EMP1: variants seen among roughly 807,000 people sequenced by gnomAD.
EMP1 encodes the protein epithelial membrane protein 1.
A neutral mutation model predicts 15.7 loss-of-function variants in EMP1; 5 were observed. That is an observed-to-expected ratio of 0.32 (90% CI 0.17 to 0.67). EMP1 has a LOEUF of 0.67. Ranked by LOEUF, EMP1 falls within the 30% of genes least tolerant of loss-of-function variation. The pLI, the probability that EMP1 is intolerant of heterozygous loss-of-function variation, is 0.74. For synonymous variants in EMP1, 78 were observed against 76.7 expected (o/e 1.02, Z -0.09); for missense variants, 166 against 194.2 (o/e 0.85, Z 0.86).
At chr12:13,197,448 T>C (rs1014359336) in intron 1 of EMP1, among the ~76,000 whole-genome samples, 10 of 152,146 alleles carry the variant, frequency 6.6e-5, no homozygotes, top group Non-Finnish European at 1.3e-4. Context: ...TTTTTTCTCC[T>C]CACAGGATGG....
In EMP1 at chr12:13,211,223, G is replaced by T. The variant is rs761460231; in HGVS notation, c.-42-246G>T. The stretch of plus-strand genomic sequence containing the variant: ...TTGAAATAGAATGTATTAGAGAAAT[G>T]AATATGTAAATACCCAAGAAGAAAC... On this transcript the variant is annotated intron_variant, in intron 1 of 4. Transcript: ENST00000256951. This position sits in a 1 kb window ranked among gnomAD's most constrained non-coding sequence, Gnocchi z 4.7. 1.3e-5 allele frequency among the ~76,000 whole-genome samples: 2 copies of T among 152,196 alleles called. No homozygotes were observed. The highest frequency in any genetic ancestry group is 2.4e-5 in the African/African-American group (1 of 41,436).
rs1366398125 is a variant in EMP1 at position 13,215,788 on chromosome 12, C to T, written c.*1097C>T. The stretch of plus-strand genomic sequence containing the variant: ...TGCCTATCCCACTTCACAGGTGAGG[C>T]ATGGCAATTCTGGAAGCTGATTAAA... On this transcript the variant is annotated 3_prime_UTR_variant, in exon 5 of 5. Transcript: ENST00000256951. 1 of 153,448 alleles carries T rather than the reference C, an allele frequency of 6.5e-6. No individual in the cohort carries two copies. The highest frequency in any genetic ancestry group is 1.9e-4 in the East Asian group (1 of 5,196). The allele number at this position is 153,448 out of a possible 1,614,324, so 9.5% of individuals were successfully genotyped here.
At chr12:13,206,757 C>T (rs1864113730) in intron 1 of EMP1, among the ~76,000 whole-genome samples, 1 of 152,152 alleles carries the variant, frequency 6.6e-6, no homozygotes, top group Non-Finnish European at 1.5e-5. Flanking sequence ...GAAGTCAATT[C>T]TTCTCAAAGT....
In EMP1 at chr12:13,214,688, A is replaced by C. The variant is rs1565580292; in HGVS notation, c.471A>C (p.Lys157Asn). ...IGVLYLVLRK[K>N] ...TTCTCTATCTGGTCCTGAGAAAGAA[A>C]TAAGGCCGGACGAGTTCATGGGGAT... Residue 157 changes from lysine (K) to asparagine (N), a missense_variant, in exon 5 of 5, where the codon AAA becomes AAC. Transcript: ENST00000256951. The C allele has an allele frequency of 1.2e-6, 2 of 1,603,630 alleles. No homozygotes were observed. Among genetic ancestry groups the C allele is most frequent in the Admixed American group, 1.7e-5 (1 of 59,520 alleles).
rs142065292 is a variant in EMP1, at chr12:13,216,407, G to A, written c.*1716G>A. The A allele has an allele frequency of 1.2e-4, 87 of 702,464 alleles. No homozygotes were observed. In the African/African-American group the frequency reaches 1.4e-3, roughly 11 times the overall value. The allele number at this position is 702,464 out of a possible 1,614,324, so 43.5% of individuals were successfully genotyped here. A position where few individuals can be genotyped will look rare whatever the true frequency, so the allele number is the denominator to read the frequency against. Reference sequence around the variant, plus strand: ...GGCAAGCCACCAAATTACCTAGGCTGAGGTTAGAGAGATTGGCCAGCAAAA... The same window carrying A: ...GGCAAGCCACCAAATTACCTAGGCTAAGGTTAGAGAGATTGGCCAGCAAAA... On this transcript the variant is annotated 3_prime_UTR_variant, in exon 5 of 5. Coordinates refer to ENST00000256951, the MANE Select transcript of EMP1 (RefSeq NM_001423.3).
intron 2 of EMP1, among the ~76,000 whole-genome samples, chr12:13,213,100 C>G (rs1186864388): frequency 1.3e-5 from 2 of 152,206 alleles, no homozygotes; most frequent in Non-Finnish European, 2.9e-5. Context: ...ATGAAACAAT[C>G]TTGTTAGAGT....
chr12:13,213,587 G>T lies in EMP1; in HGVS notation c.175+12G>T. 6.2e-7 allele frequency: 1 copy of T among 1,614,168 alleles called. No homozygotes were observed. Among genetic ancestry groups the T allele is most frequent in the Non-Finnish European group, 8.5e-7 (1 of 1,179,998 alleles). The stretch of plus-strand genomic sequence containing the variant: ...ATATGCCAGTGAAGGTATATATAAA[G>T]ATATTGACCCAGTGCTGACAATAGG... On this transcript the variant is annotated intron_variant, in intron 3 of 4. Transcript: ENST00000256951.
At position 13,211,135 on chromosome 12, in the gene EMP1, A is replaced by G. The variant is rs574428879; in HGVS notation, c.-42-334A>G. Among the ~76,000 whole-genome samples, 4 of 152,360 alleles carry G rather than the reference A, an allele frequency of 2.6e-5. No homozygotes were observed. The highest frequency in any genetic ancestry group is 9.6e-5 in the African/African-American group (4 of 41,600). On this transcript the variant is annotated intron_variant, in intron 1 of 4. Transcript: ENST00000256951. The surrounding 1 kb of genome is among the most constrained non-coding windows in gnomAD (Gnocchi z 4.7). ...CTTTGAAAATCAAAGTCCTATTTTTAACCTCTAAAACACAAACAAAATAAA... is the reference window on the plus strand; with the variant it reads ...CTTTGAAAATCAAAGTCCTATTTTTGACCTCTAAAACACAAACAAAATAAA...
At chr12:13,208,086 G>A (rs941412111) in intron 1 of EMP1, among the ~76,000 whole-genome samples, 2 of 152,284 alleles carry the variant, frequency 1.3e-5, no homozygotes, top group South Asian at 2.1e-4. Context: ...GAGGGCTGAG[G>A]GAGAAGTCTA....
rs958351564 is a variant in EMP1, at chr12:13,219,302, A to T, written c.*4611A>T. 1 of 152,204 alleles carries T rather than the reference A, an allele frequency of 6.6e-6. No homozygotes were observed. Among genetic ancestry groups the T allele is most frequent in the Non-Finnish European group, 1.5e-5 (1 of 68,054 alleles). 9.4% of individuals were successfully genotyped at this position (152,204 alleles called of 1,614,324 possible). On this transcript the variant is annotated 3_prime_UTR_variant, in exon 5 of 5. Coordinates refer to ENST00000256951, the MANE Select transcript of EMP1 (RefSeq NM_001423.3). ...CAAGCTTCTGGTTAACTGCTGATCT[A>T]TTGGCAACTCCAGTTCCCAATAAGT...
rs1480651728 is a variant in EMP1, at chr12:13,219,710, T to A, written c.*5019T>A. On this transcript the variant is annotated 3_prime_UTR_variant, in exon 5 of 5. Transcript: ENST00000256951. ...ACTTGGCACATGAGGGACTTTATGA[T>A]ATTAAGAGATTAATTAAACAACAGT... The A allele has an allele frequency of 6.6e-6, 1 of 152,232 alleles. No individual in the cohort carries two copies. Among genetic ancestry groups the A allele is most frequent in the Non-Finnish European group, 1.5e-5 (1 of 68,048 alleles). The allele number at this position is 152,232 out of a possible 1,614,324, so 9.4% of individuals were successfully genotyped here.
chr12:13,211,549 C>A lies in EMP1; in HGVS notation c.39C>A (p.Ile13=). The A allele has an allele frequency of 6.2e-7, 1 of 1,613,504 alleles. No homozygotes were observed. The highest frequency in any genetic ancestry group is 8.5e-7 in the Non-Finnish European group (1 of 1,179,912). The change falls in exon 2 of 5, where the codon ATC becomes ATA. Residue 13 remains isoleucine (I), a synonymous_variant. Transcript: ENST00000256951. This position sits in a 1 kb window ranked among gnomAD's most constrained non-coding sequence, Gnocchi z 4.7. ...TGGCTGGTATCTTTGTGGTCCACAT[C>A]GCTACTGTTATTATGCTATTTGTTA... ...VLLAGIFVVH[I]ATVIMLFVST...
At position 13,212,628 on chromosome 12, in the gene EMP1, G is replaced by A. The variant is rs115592048; in HGVS notation, c.79-851G>A. ...AAAGTGTATTAATGAGCGCCAAAGCGCTGCGTATCTGTGAATTACCAGCCC... is the reference window on the plus strand; with the variant it reads ...AAAGTGTATTAATGAGCGCCAAAGCACTGCGTATCTGTGAATTACCAGCCC... On this transcript the variant is annotated intron_variant, in intron 2 of 4. Transcript: ENST00000256951. 1.8e-3 allele frequency among the ~76,000 whole-genome samples: 274 copies of A among 152,326 alleles called. 1 individual carries two copies. Among genetic ancestry groups the A allele is most frequent in the African/African-American group, 6.3e-3 (262 of 41,560 alleles).
intron 1 of EMP1, among the ~76,000 whole-genome samples, chr12:13,203,153 G>A (rs1027150912): frequency 6.6e-6 from 1 of 152,198 alleles, no homozygotes. Flanking sequence ...GTTGAAGCAT[G>A]TTGCCGCCAT....
chr12:13,198,953 C>CA (rs1864038380), intron 1 of EMP1, among the ~76,000 whole-genome samples: 1 of 151,262 alleles, frequency 6.6e-6, no homozygotes, highest in Non-Finnish European at 1.5e-5. Flanking sequence ...TTTTCCCCCC[C>CA]ACTCTGCCCG....
chr12:13,208,090 A>G (rs898396041), intron 1 of EMP1, among the ~76,000 whole-genome samples: 1 of 152,182 alleles, frequency 6.6e-6, no homozygotes, highest in African/African-American at 2.4e-5. Flanking sequence ...GCTGAGGGAG[A>G]AGTCTACTAT....
In EMP1 at chr12:13,216,282, C is replaced by A; in HGVS notation, c.*1591C>A. On this transcript the variant is annotated 3_prime_UTR_variant, in exon 5 of 5. Coordinates refer to ENST00000256951, the MANE Select transcript of EMP1 (RefSeq NM_001423.3). ...CTCATCCATTTCTTTTATACCTTTC[C>A]TTTTTGGGGAGTTGTTATGCCATGA... 1.5e-6 allele frequency: 1 copy of A among 667,538 alleles called. No homozygotes were observed. The highest frequency in any genetic ancestry group is 2.7e-6 in the Non-Finnish European group (1 of 370,372). 41.4% of individuals were successfully genotyped at this position (667,538 alleles called of 1,614,324 possible). A position where few individuals can be genotyped will look rare whatever the true frequency, so the allele number is the denominator to read the frequency against.
chr12:13,218,275 G>T lies in EMP1; in HGVS notation c.*3584G>T, dbSNP rs904016494. On this transcript the variant is annotated 3_prime_UTR_variant, in exon 5 of 5. Coordinates refer to ENST00000256951, the MANE Select transcript of EMP1 (RefSeq NM_001423.3). ...TGGAAAAAAATTTCACAAAGGCCTTGAAAGAAGGCATATGAAGACCAAAAG... is the reference window on the plus strand; with the variant it reads ...TGGAAAAAAATTTCACAAAGGCCTTTAAAGAAGGCATATGAAGACCAAAAG... 6.6e-6 allele frequency: 1 copy of T among 152,190 alleles called. No individual in the cohort carries two copies. The highest frequency in any genetic ancestry group is 2.4e-5 in the African/African-American group (1 of 41,444). The allele number at this position is 152,190 out of a possible 1,614,324, so 9.4% of individuals were successfully genotyped here. A position where few individuals can be genotyped will look rare whatever the true frequency, so the allele number is the denominator to read the frequency against.
intron 2 of EMP1, among the ~76,000 whole-genome samples, chr12:13,213,155 C>A (rs1426787858): frequency 6.6e-6 from 1 of 152,208 alleles, no homozygotes; most frequent in Non-Finnish European, 1.5e-5. Context: ...TCCTGGACTT[C>A]TGTTTCTCAG....
Sources: allele counts gnomAD v4.1 joint callset (sites outside exome capture counted in the v4.1 genomes callset), GRCh38; gene constraint gnomAD v4.1.1; non-coding constraint Gnocchi (gnomAD v3.1); transcripts MANE v1.5; gene names NCBI Gene and HGNC (gene_info 2026-07-23, HGNC 2026-07-21).